Variants in BACE2 observed in about 807,000 individuals in gnomAD.
BACE2 encodes the protein 56 kDa aspartic-like protease.
BACE2 carries 17 observed loss-of-function variants against 46.2 expected under a neutral mutation model. That is an observed-to-expected ratio of 0.37 (90% confidence interval 0.25 to 0.55). The LOEUF (loss-of-function observed/expected upper bound fraction) is 0.55, where lower values mean the gene tolerates loss of function less well. BACE2 is among the 20% of genes least tolerant of loss of function. The probability of loss-of-function intolerance (pLI) is 0.82; values close to 1 mark genes in which losing one functional copy is unlikely to be tolerated. For missense variants in BACE2, 595 were observed against 698.1 expected (o/e 0.85, Z 1.66); for synonymous variants, 277 against 295.9 (o/e 0.94, Z 0.66).
Position 41,276,205 on chromosome 21 carries a change from C to G in BACE2, c.*581C>G, listed in dbSNP as rs942267089. 1 of 153,544 alleles carries G rather than the reference C, an allele frequency of 6.5e-6. No homozygotes were observed. Among genetic ancestry groups the G allele is most frequent in the Non-Finnish European group, 1.4e-5 (1 of 69,056 alleles). The allele number at this position is 153,544 out of a possible 1,614,324, so 9.5% of individuals were successfully genotyped here. ...CCCCTTTTGTGGGTTTCTCTGTGCTCTGAATGGGAGCCAGAATTCACTAGG... is the reference window on the plus strand; with the variant it reads ...CCCCTTTTGTGGGTTTCTCTGTGCTGTGAATGGGAGCCAGAATTCACTAGG... On this transcript the variant is annotated 3_prime_UTR_variant, in exon 9 of 9. Coordinates refer to ENST00000330333, the MANE Select transcript of BACE2 (RefSeq NM_012105.5).
At chr21:41,208,075 G>T (rs1243212658) in intron 1 of BACE2, among the ~76,000 whole-genome samples, 1 of 152,158 alleles carries the variant, frequency 6.6e-6, no homozygotes, top group Non-Finnish European at 1.5e-5. Context: ...GGCAAAAGTC[G>T]TCTCCCATAC....
chr21:41,249,825 G>C (rs745441187), intron 6 of BACE2, among the ~76,000 whole-genome samples: 4 of 152,198 alleles, frequency 2.6e-5, no homozygotes, highest in Non-Finnish European at 2.9e-5. Flanking sequence ...ACTGCTCGGG[G>C]CCTGCCTGTG....
At position 41,196,322 on chromosome 21, in the gene BACE2, A is replaced by T. The variant is rs573460310; in HGVS notation, c.312+27747A>T. 4.4e-3 allele frequency among the ~76,000 whole-genome samples: 663 copies of T among 152,030 alleles called. 4 individuals are homozygous for T. Among genetic ancestry groups the T allele is most frequent in the Non-Finnish European group, 7.3e-3 (496 of 67,986 alleles). ...CAAAACAAAAAACAAAACCAAAAAAAAAAAAAGAGAGAGAGAGAGAAATCC... is the reference window on the plus strand; with the variant it reads ...CAAAACAAAAAACAAAACCAAAAAATAAAAAAGAGAGAGAGAGAGAAATCC... On this transcript the variant is annotated intron_variant, in intron 1 of 8. Coordinates refer to ENST00000330333, the MANE Select transcript of BACE2 (RefSeq NM_012105.5).
chr21:41,173,848 C>A (rs891859659), intron 1 of BACE2, among the ~76,000 whole-genome samples: 5 of 152,062 alleles, frequency 3.3e-5, no homozygotes, highest in African/African-American at 1.2e-4. Context: ...AAGATTAGAT[C>A]AATGATATTT....
chr21:41,180,837 C>G (rs1985095439), intron 1 of BACE2: 1 of 167,096 alleles, frequency 6.0e-6, no homozygotes, highest in African/African-American at 2.4e-5. Context: ...CTGCACAAGA[C>G]CCCACCTTGT....
chr21:41,271,557 A>C (rs2088435077), intron 8 of BACE2, among the ~76,000 whole-genome samples: 1 of 152,190 alleles, frequency 6.6e-6, no homozygotes, highest in African/African-American at 2.4e-5. Flanking sequence ...CTCATTTGTT[A>C]CATTTTTTCC....
intron 1 of BACE2, among the ~76,000 whole-genome samples, chr21:41,169,831 G>C (rs1290061374): frequency 6.6e-6 from 1 of 152,212 alleles, no homozygotes; most frequent in Non-Finnish European, 1.5e-5. Flanking sequence ...GAAGCCACGT[G>C]AGTGATCTTT....
intron 1 of BACE2, among the ~76,000 whole-genome samples, chr21:41,218,752 G>A (rs1437718081): frequency 1.3e-5 from 2 of 152,240 alleles, no homozygotes; most frequent in East Asian, 3.9e-4. Flanking sequence ...AGATGTTCAT[G>A]CATTATGTAA....
At chr21:41,272,535 A>T (rs896701520) in intron 8 of BACE2, among the ~76,000 whole-genome samples, 4 of 149,450 alleles carry the variant, frequency 2.7e-5, no homozygotes, top group Non-Finnish European at 5.9e-5. Flanking sequence ...GGTTTTTTTT[A>T]AATTCATTAG....
At chr21:41,251,810 C>CA (rs945547978) in intron 7 of BACE2, among the ~76,000 whole-genome samples, 3 of 151,446 alleles carry the variant, frequency 2.0e-5, no homozygotes, top group African/African-American at 4.9e-5. Context: ...AGAAAAAAAA[C>CA]AAAAAACAAA....
chr21:41,169,476 G>C (rs1389391417), intron 1 of BACE2, among the ~76,000 whole-genome samples: 2 of 146,124 alleles, frequency 1.4e-5, no homozygotes, highest in Non-Finnish European at 1.5e-5. Flanking sequence ...AATCCCAATT[G>C]ATCTGCCCCC....
chr21:41,260,889 TA>T (rs1208862580), intron 8 of BACE2, among the ~76,000 whole-genome samples: 49 of 152,138 alleles, frequency 3.2e-4, no homozygotes, highest in African/African-American at 9.2e-4. Context: ...TTGTTTGGTT[TA>T]TTTTTTTTTA....
chr21:41,257,122 T>C, intron 7 of BACE2, 36 bp from the exon 8 acceptor site: 1 of 1,613,066 alleles, frequency 6.2e-7, no homozygotes, highest in African/African-American at 1.3e-5. Context: ...TTTGTGCTTT[T>C]TCTTGTTTGT....
At chr21:41,270,732 A>G (rs2088426327) in intron 8 of BACE2, among the ~76,000 whole-genome samples, 1 of 152,250 alleles carries the variant, frequency 6.6e-6, no homozygotes, top group African/African-American at 2.4e-5. Context: ...TGTCCAGAAT[A>G]TAGTCTATCA....
intron 1 of BACE2, among the ~76,000 whole-genome samples, chr21:41,219,864 A>G (rs1438831730): frequency 6.6e-6 from 1 of 152,184 alleles, no homozygotes; most frequent in African/African-American, 2.4e-5. Flanking sequence ...CCAACAAACA[A>G]TCGATCGGTT....
At chr21:41,249,575 G>A (rs1987580389) in intron 6 of BACE2, among the ~76,000 whole-genome samples, 1 of 152,150 alleles carries the variant, frequency 6.6e-6, no homozygotes, top group Non-Finnish European at 1.5e-5. Context: ...GCCATGTCCA[G>A]CCGGCAGATT....
intron 1 of BACE2, among the ~76,000 whole-genome samples, chr21:41,211,001 G>T (rs921312445): frequency 6.6e-6 from 1 of 152,140 alleles, no homozygotes; most frequent in Admixed American, 6.5e-5. Context: ...TTCCCAGACT[G>T]CAGGATGGCC....
chr21:41,192,279 G>A lies in BACE2; in HGVS notation c.312+23704G>A, dbSNP rs558407793. ...CCACGAAGCCATCAGTGCAGGCTAA[G>A]GGAGAGAAGGCAGGGTGGCAGGAGT... On this transcript the variant is annotated intron_variant, in intron 1 of 8. Coordinates refer to ENST00000330333, the MANE Select transcript of BACE2 (RefSeq NM_012105.5). 6.6e-5 allele frequency among the ~76,000 whole-genome samples: 10 copies of A among 152,368 alleles called. No individual in the cohort carries two copies. The East Asian group carries it at 1.9e-3, about 29-fold the overall frequency.
Position 41,209,740 on chromosome 21 carries a change from C to T in BACE2, c.313-16526C>T, listed in dbSNP as rs115224879. ...AGAGGTTGAGCTGGGGTTAGAATCT[C>T]GGTCCAGCACACCCTGAAGTCACTA... On this transcript the variant is annotated intron_variant, in intron 1 of 8. Transcript: ENST00000330333. 2.4e-3 allele frequency among the ~76,000 whole-genome samples: 371 copies of T among 152,226 alleles called. 1 individual carries two copies. The highest frequency in any genetic ancestry group is 8.5e-3 in the African/African-American group (353 of 41,534).
Sources: allele counts gnomAD v4.1 joint callset (sites outside exome capture counted in the v4.1 genomes callset), GRCh38; gene constraint gnomAD v4.1.1; transcripts MANE v1.5; gene names NCBI Gene and HGNC (gene_info 2026-07-23, HGNC 2026-07-21).